Variants in PTPRN2 observed in about 807,000 individuals in gnomAD.
PTPRN2 encodes the protein receptor-type tyrosine-protein phosphatase N2.
In PTPRN2, 74 loss-of-function variants were observed where a neutral mutation model predicts 118.8. The ratio of observed to expected loss-of-function variants is 0.62; its 90% CI spans 0.52 to 0.76. The LOEUF is 0.76. PTPRN2 is among the 30% of genes least tolerant of loss of function. The pLI, the probability that PTPRN2 is intolerant of heterozygous loss-of-function variation, is 0.00. For synonymous variants in PTPRN2, 641 were observed against 608.0 expected, an observed-to-expected ratio of 1.05 and a Z score of -0.80; for missense variants, 1,481 against 1,394.4, an observed-to-expected ratio of 1.06 and a Z score of -0.99.
At chr7:158,146,281 G>A (rs148309885) in intron 6 of PTPRN2, among the ~76,000 whole-genome samples, 1 of 152,176 alleles carries the variant, frequency 6.6e-6, no homozygotes, top group East Asian at 1.9e-4. Context: ...TAACCAAAAT[G>A]TTAACCTATA....
At chr7:158,323,016 C>T (rs1803168039) in intron 2 of PTPRN2, among the ~76,000 whole-genome samples, 1 of 152,228 alleles carries the variant, frequency 6.6e-6, no homozygotes, top group Non-Finnish European at 1.5e-5. Flanking sequence ...CCGGCAGCAG[C>T]AACCAGGCCT....
rs6979303 is a variant in PTPRN2, at chr7:157,676,778, G to T, written c.2001+5947C>A. ...CCCTTTCCACAGGGTCCCTTTCCAC[G>T]GGGTGGGTGACTGATGAGGACAGGG... On this transcript the variant is annotated intron_variant, in intron 13 of 22. Transcript: ENST00000389418. This position sits in a 1 kb window ranked among gnomAD's most constrained non-coding sequence, Gnocchi z 5.6. 2.2e-3 allele frequency among the ~76,000 whole-genome samples: 339 copies of T among 152,324 alleles called. 4 individuals are homozygous for T. The highest frequency in any genetic ancestry group is 7.7e-3 in the African/African-American group (322 of 41,566).
chr7:157,954,511 GT>G (rs1203085417), intron 11 of PTPRN2, among the ~76,000 whole-genome samples: 1 of 104,652 alleles, frequency 9.6e-6, no homozygotes, highest in African/African-American at 3.6e-5. Flanking sequence ...TGTGTGGTGT[GT>G]GTGTGTGGTG....
At chr7:158,519,587 C>T (rs1823832926) in intron 1 of PTPRN2, among the ~76,000 whole-genome samples, 1 of 152,096 alleles carries the variant, frequency 6.6e-6, no homozygotes, top group East Asian at 1.9e-4. Flanking sequence ...CATTCTCCAG[C>T]ACTCTCCTGC....
At chr7:157,982,323 A>G (rs13233334) in intron 11 of PTPRN2, among the ~76,000 whole-genome samples, 277 of 6,250 alleles carry the variant, frequency 0.044, 3 homozygotes, top group Admixed American at 0.043. Context: ...TCATAGAGCC[A>G]AGGAGGGGAA....
chr7:157,676,615 G>A lies in PTPRN2; in HGVS notation c.2001+6110C>T, dbSNP rs1465795771. Among the ~76,000 whole-genome samples, 8 of 152,368 alleles carry A rather than the reference G, an allele frequency of 5.3e-5. No individual in the cohort carries two copies. The highest frequency in any genetic ancestry group is 2.0e-4 in the Admixed American group (3 of 15,308). ...CTCAACACCCTGCAGTGGGGACAGCGCAGCTGGGGACCGCCCAGTGCAGCT... is the reference window on the plus strand; with the variant it reads ...CTCAACACCCTGCAGTGGGGACAGCACAGCTGGGGACCGCCCAGTGCAGCT... On this transcript the variant is annotated intron_variant, in intron 13 of 22. Coordinates refer to ENST00000389418, the MANE Select transcript of PTPRN2 (RefSeq NM_002847.5). This position sits in a 1 kb window ranked among gnomAD's most constrained non-coding sequence, Gnocchi z 5.6.
At chr7:158,270,379 G>A (rs953252490) in intron 3 of PTPRN2, among the ~76,000 whole-genome samples, 2 of 152,144 alleles carry the variant, frequency 1.3e-5, no homozygotes, top group African/African-American at 4.8e-5. Context: ...GGGTGAGGAC[G>A]CCTCCTTGGC....
intron 11 of PTPRN2, among the ~76,000 whole-genome samples, chr7:157,975,888 C>T (rs1802709070): frequency 6.6e-6 from 1 of 152,212 alleles, no homozygotes; most frequent in Admixed American, 6.5e-5. Context: ...TCCAGCTGCT[C>T]TGAGCCTGGT....
At chr7:158,051,418 T>C (rs544615448) in intron 11 of PTPRN2, among the ~76,000 whole-genome samples, 86 of 152,332 alleles carry the variant, frequency 5.6e-4, no homozygotes, top group African/African-American at 1.9e-3. Flanking sequence ...GGCCCCAGCC[T>C]GGGTCCCTCC....
chr7:157,862,027 C>T (rs1215497692), intron 12 of PTPRN2, among the ~76,000 whole-genome samples: 1 of 57,542 alleles, frequency 1.7e-5, no homozygotes, highest in East Asian at 5.0e-4. Context: ...CTCTGTGTGC[C>T]GGAGTCTGTC....
intron 12 of PTPRN2, among the ~76,000 whole-genome samples, chr7:157,795,402 T>C (rs939796255): frequency 3.3e-5 from 5 of 152,214 alleles, no homozygotes; most frequent in African/African-American, 1.2e-4. Flanking sequence ...CTCAGCACCG[T>C]CTGTTTGCTC....
intron 5 of PTPRN2, among the ~76,000 whole-genome samples, chr7:158,173,665 C>T (rs1348002316): frequency 6.6e-6 from 1 of 152,194 alleles, no homozygotes; most frequent in Non-Finnish European, 1.5e-5. Flanking sequence ...GAGGGCACTG[C>T]AGGAGACCAG....
intron 10 of PTPRN2, among the ~76,000 whole-genome samples, chr7:158,089,551 TCACACAAAC>T (rs1220818368): frequency 2.8e-4 from 35 of 125,712 alleles, no homozygotes; most frequent in South Asian, 1.1e-3. Context: ...GAGGGAGTCT[TCACACAAAC>T]CTTCTTCCCC....
chr7:158,329,069 G>A (rs974406565), intron 2 of PTPRN2, among the ~76,000 whole-genome samples: 2 of 152,222 alleles, frequency 1.3e-5, no homozygotes, highest in Admixed American at 1.3e-4. Flanking sequence ...AGGGATCCCA[G>A]TGAGGCCTGG....
intron 4 of PTPRN2, among the ~76,000 whole-genome samples, chr7:158,203,225 C>CAAAAAAAAAAAA (rs56016358): frequency 2.0e-5 from 1 of 50,340 alleles, no homozygotes; most frequent in Non-Finnish European, 3.9e-5. Context: ...AAGCAAGAGC[C>CAAAAAAAAAAAA]AAAAAAAAAA....
chr7:157,634,557 C>T (rs963717622), intron 14 of PTPRN2, among the ~76,000 whole-genome samples: 9 of 152,290 alleles, frequency 5.9e-5, no homozygotes, highest in Admixed American at 2.6e-4. Flanking sequence ...CCAAGGCATC[C>T]GGGTGCCTGT....
At chr7:158,241,499 G>A (rs556557126) in intron 3 of PTPRN2, among the ~76,000 whole-genome samples, 1 of 152,200 alleles carries the variant, frequency 6.6e-6, no homozygotes, top group Non-Finnish European at 1.5e-5. Context: ...GGGTGACAGA[G>A]TAAGACTCTA....
intron 3 of PTPRN2, among the ~76,000 whole-genome samples, chr7:158,268,148 TAGAG>T (rs1798006518): frequency 6.6e-6 from 1 of 152,148 alleles, no homozygotes; most frequent in African/African-American, 2.4e-5. Context: ...GCCAGCTAAT[TAGAG>T]AGCCCCTAAG....
intron 2 of PTPRN2, among the ~76,000 whole-genome samples, chr7:158,377,617 A>T (rs1810647860): frequency 1.3e-5 from 2 of 152,180 alleles, no homozygotes; most frequent in Admixed American, 1.3e-4. Flanking sequence ...GGACTCAGCA[A>T]TCACAGGCTT....
Sources: allele counts gnomAD v4.1 joint callset (sites outside exome capture counted in the v4.1 genomes callset), GRCh38; gene constraint gnomAD v4.1.1; non-coding constraint Gnocchi (gnomAD v3.1); transcripts MANE v1.5; gene names NCBI Gene and HGNC (gene_info 2026-07-23, HGNC 2026-07-21).